Variants in KCNMA1 observed in about 807,000 individuals in gnomAD.
KCNMA1 encodes the protein potassium calcium-activated channel subfamily M alpha 1, also known as Calcium-activated potassium channel subunit alpha-1.
Under a neutral mutation model 140.0 loss-of-function variants are expected in KCNMA1, and 29 were observed. The observed-to-expected ratio is 0.21, with a 90% CI of 0.15 to 0.28. The LOEUF is 0.28. Ranked by LOEUF, KCNMA1 falls within the 10% of genes least tolerant of loss-of-function variation. The probability of loss-of-function intolerance (pLI) is 1.00; values close to 1 mark genes in which losing one functional copy is unlikely to be tolerated. For synonymous variants in KCNMA1, 612 were observed against 611.9 expected (o/e 1.00, Z 0.00); for missense variants, 880 against 1,602.2 (o/e 0.55, Z 7.70).
chr10:76,938,526 T>A (rs1180842475), intron 23 of KCNMA1, among the ~76,000 whole-genome samples: 1 of 152,156 alleles, frequency 6.6e-6, no homozygotes. Flanking sequence ...AAACAATGCT[T>A]CACAGGGCTG....
chr10:77,379,924 CT>C (rs2095322602), intron 2 of KCNMA1, among the ~76,000 whole-genome samples: 1 of 152,166 alleles, frequency 6.6e-6, no homozygotes, highest in Admixed American at 6.5e-5. Flanking sequence ...GTTTCCTCCC[CT>C]ATGGGCTCCA....
intron 1 of KCNMA1, among the ~76,000 whole-genome samples, chr10:77,468,597 G>A (rs1353539267): frequency 6.6e-6 from 1 of 152,154 alleles, no homozygotes; most frequent in African/African-American, 2.4e-5. Context: ...GGCAATGAGA[G>A]AGTCCTGGAA....
rs2037273086 is a variant in KCNMA1, at chr10:76,886,927, T to C, written c.*339A>G. The C allele has an allele frequency of 6.0e-6, 7 of 1,158,722 alleles. No individual in the cohort carries two copies. The South Asian group carries it at 1.4e-4, about 23-fold the overall frequency. 71.8% of individuals were successfully genotyped at this position (1,158,722 alleles called of 1,614,324 possible). On this transcript the variant is annotated 3_prime_UTR_variant, in exon 28 of 28. Coordinates refer to ENST00000286628, the MANE Select transcript of KCNMA1 (RefSeq NM_001161352.2). Reference sequence around the variant, plus strand: ...AACTTTTCTTTTACATTAAATAAACTTGCTCTGCCTAACTGACGTTGATCA... The same window carrying C: ...AACTTTTCTTTTACATTAAATAAACCTGCTCTGCCTAACTGACGTTGATCA...
chr10:77,404,114 C>T (rs1233999705), intron 1 of KCNMA1, 91 bp from the exon 2 acceptor site: 6 of 1,294,590 alleles, frequency 4.6e-6, no homozygotes, highest in Non-Finnish European at 6.7e-6. Context: ...CAGAAGGGGT[C>T]CCCAGCTGAG....
At chr10:76,884,615 AT>A (rs2036028760), downstream of KCNMA1, 1 of 194,072 alleles carries the variant, frequency 5.2e-6, no homozygotes, top group African/African-American at 2.3e-5. Flanking sequence ...CCACGTGCAG[AT>A]TAAAAGGCAA....
chr10:76,993,029 G>T (rs758153989), intron 19 of KCNMA1, among the ~76,000 whole-genome samples: 2 of 152,184 alleles, frequency 1.3e-5, no homozygotes, highest in African/African-American at 4.8e-5. Flanking sequence ...GGGATTTAAA[G>T]AATAATTCCC....
chr10:77,388,168 C>G (rs7903851), intron 2 of KCNMA1, among the ~76,000 whole-genome samples: 3,947 of 152,320 alleles, frequency 0.026, 160 homozygotes, highest in African/African-American at 0.09. Flanking sequence ...CCTTGGTTTT[C>G]TTTTCTCTTT....
chr10:77,328,087 C>T (rs1366388245), intron 2 of KCNMA1, among the ~76,000 whole-genome samples: 1 of 152,186 alleles, frequency 6.6e-6, no homozygotes, highest in African/African-American at 2.4e-5. Flanking sequence ...TTGTCTTGCA[C>T]ATTTTAAATA....
intron 24 of KCNMA1, chr10:76,914,369 T>C: frequency 3.7e-6 from 2 of 542,540 alleles, no homozygotes; most frequent in South Asian, 2.7e-5. Flanking sequence ...CCAACCAACA[T>C]GGCCCTCAAA....
In KCNMA1 at chr10:77,637,776, G is replaced by T; in HGVS notation, c.-134C>A. ...CCGCCGCCGCGGAGCGCGGGAGGGG[G>T]GCGGGGAGGCGCCTGGGCTCGGGGC... On this transcript the variant is annotated 5_prime_UTR_variant, in exon 1 of 28. Transcript: ENST00000286628. 7.7e-7 allele frequency: 1 copy of T among 1,292,008 alleles called. No individual in the cohort carries two copies. 80.0% of individuals were successfully genotyped at this position (1,292,008 alleles called of 1,614,324 possible).
At chr10:77,471,318 C>A (rs1196290533) in intron 1 of KCNMA1, among the ~76,000 whole-genome samples, 1 of 150,504 alleles carries the variant, frequency 6.6e-6, no homozygotes, top group Non-Finnish European at 1.5e-5. Context: ...CAGTGCACAC[C>A]ACACACAACT....
At chr10:77,166,621 AAGG>A (rs533044542) in intron 5 of KCNMA1, among the ~76,000 whole-genome samples, 5 of 152,096 alleles carry the variant, frequency 3.3e-5, no homozygotes, top group Admixed American at 1.3e-4. Flanking sequence ...GGGAAAAGAA[AAGG>A]AGAAGGAGGG....
intron 1 of KCNMA1, among the ~76,000 whole-genome samples, chr10:77,549,826 T>C (rs892647124): frequency 2.0e-5 from 3 of 152,124 alleles, no homozygotes; most frequent in African/African-American, 7.2e-5. Context: ...TTAAAACTAG[T>C]ATGTAGGTGT....
intron 5 of KCNMA1, among the ~76,000 whole-genome samples, chr10:77,150,530 T>C (rs2098399804): frequency 6.6e-6 from 1 of 152,222 alleles, no homozygotes; most frequent in African/African-American, 2.4e-5. Context: ...CAGTCCCTGC[T>C]TTAAAGAAGT....
chr10:77,039,751 C>A (rs569842553), intron 14 of KCNMA1, 114 bp from the exon 15 acceptor site: 22 of 722,980 alleles, frequency 3.0e-5, no homozygotes, highest in Non-Finnish European at 5.5e-5. Context: ...ATAATGGTGA[C>A]CTTTTCAGCA....
intron 2 of KCNMA1, among the ~76,000 whole-genome samples, chr10:77,322,529 G>A (rs1367213119): frequency 6.6e-6 from 1 of 152,196 alleles, no homozygotes; most frequent in East Asian, 1.9e-4. Context: ...TATTCCAGGA[G>A]TGCCAGACAG....
At chr10:77,552,959 G>A (rs2063218947) in intron 1 of KCNMA1, among the ~76,000 whole-genome samples, 2 of 152,098 alleles carry the variant, frequency 1.3e-5, no homozygotes, top group African/African-American at 4.8e-5. Context: ...TGGGGCATGA[G>A]AATCGCTTGA....
chr10:76,959,288 G>A (rs539186801), intron 20 of KCNMA1, among the ~76,000 whole-genome samples: 1 of 152,340 alleles, frequency 6.6e-6, no homozygotes, highest in Non-Finnish European at 1.5e-5. Flanking sequence ...TCCAAATGGA[G>A]TGTTCAGGGG....
rs1290747139 is a variant in KCNMA1, at chr10:77,215,887, TCTCTC to T, written c.603-30976_603-30972del. Among the ~76,000 whole-genome samples, 12 of 131,772 alleles carry T rather than the reference TCTCTC, an allele frequency of 9.1e-5. No individual in the cohort carries two copies. The South Asian group carries it at 2.3e-3, about 25-fold the overall frequency. The allele number at this position is 131,772 out of a possible 152,430, so 86.4% of individuals were successfully genotyped here. A position where few individuals can be genotyped will look rare whatever the true frequency, so the allele number is the denominator to read the frequency against. ...CCCCTCCCCCCCACCTGTCTCTCTC[TCTCTC>T]CTCTCTCCTCTCTCCTCTCTCTCTC... is the stretch of plus-strand genomic sequence containing the variant. On this transcript the variant is annotated intron_variant, in intron 3 of 27. Coordinates refer to ENST00000286628, the MANE Select transcript of KCNMA1 (RefSeq NM_001161352.2).
Sources: gnomAD v4.1 joint callset for allele counts (sites outside exome capture counted in the v4.1 genomes callset) on GRCh38, gnomAD v4.1.1 for gene constraint, MANE v1.5 for transcripts, NCBI Gene and HGNC (gene_info 2026-07-23, HGNC 2026-07-21) for gene names.